Variants in CHRM2 observed in about 807,000 individuals in gnomAD.
CHRM2 encodes the protein cholinergic receptor muscarinic 2.
Under a neutral mutation model 25.0 loss-of-function variants are expected in CHRM2, and 8 were observed. The ratio of observed to expected loss-of-function variants is 0.32; its 90% CI spans 0.19 to 0.58. CHRM2 has a LOEUF of 0.58. CHRM2 is among the 20% of genes least tolerant of loss of function. The pLI is 0.88. For synonymous variants in CHRM2, 202 were observed against 205.7 expected (o/e 0.98, Z 0.15); for missense variants, 440 against 567.1 (o/e 0.78, Z 2.28).
At chr7:137,012,792 A>T (rs992628482) in intron 3 of CHRM2, among the ~76,000 whole-genome samples, 2 of 151,990 alleles carry the variant, frequency 1.3e-5, no homozygotes, top group Non-Finnish European at 2.9e-5. Flanking sequence ...TGAAAGACAC[A>T]TTCCTAAATG....
At chr7:136,951,340 T>A (rs764312443) in intron 2 of CHRM2, among the ~76,000 whole-genome samples, 6 of 152,040 alleles carry the variant, frequency 3.9e-5, no homozygotes, top group Non-Finnish European at 8.8e-5. Flanking sequence ...TGGAGAAAGG[T>A]GGGGGTGAAT....
rs1365127125 is a variant in CHRM2 at position 137,015,800 on chromosome 7, T to TG, written c.938dup (p.His314ProfsTer5). 6.2e-7 allele frequency: 1 copy of TG among 1,613,046 alleles called. No homozygotes were observed. Among genetic ancestry groups the TG allele is most frequent in the African/African-American group, 1.3e-5 (1 of 74,824 alleles). Reference sequence around the variant, plus strand: ...GATGAAAACACAGTTTCCACTTCCCTGGGCCATTCCAAAGATGAGAACTCT... The same window carrying TG: ...GATGAAAACACAGTTTCCACTTCCCTGGGGCCATTCCAAAGATGAGAACTCT... On this transcript the variant is annotated frameshift_variant, in exon 4 of 4. Transcript: ENST00000680005. LOFTEE classifies it high-confidence loss of function. The surrounding 1 kb of genome is among the most constrained non-coding windows in gnomAD (Gnocchi z 5.1).
rs1036301814 is a variant in CHRM2 at position 136,892,654 on chromosome 7, T to A, written c.-125+23236T>A. 1.4e-4 allele frequency among the ~76,000 whole-genome samples: 21 copies of A among 150,080 alleles called. No individual in the cohort carries two copies. In the East Asian group the frequency reaches 3.7e-3, roughly 26 times the overall value. ...TACCAAGGAAGAAAAAATGATAAAG[T>A]GCTCTTATTAAAAGTTCTTTTTTTT... On this transcript the variant is annotated intron_variant, in intron 2 of 3. Coordinates refer to ENST00000680005, the MANE Select transcript of CHRM2 (RefSeq NM_001006630.2).
At chr7:136,971,131 A>G (rs1367034589) in intron 2 of CHRM2, among the ~76,000 whole-genome samples, 2 of 152,222 alleles carry the variant, frequency 1.3e-5, no homozygotes, top group Non-Finnish European at 1.5e-5. Context: ...GAAACATTAG[A>G]ATTAGAACCA....
chr7:136,953,552 A>G (rs1390450045), intron 2 of CHRM2, among the ~76,000 whole-genome samples: 1 of 152,132 alleles, frequency 6.6e-6, no homozygotes, highest in African/African-American at 2.4e-5. Flanking sequence ...CCACATGCCA[A>G]ATTACTCATT....
In CHRM2 at chr7:137,014,970, G is replaced by C; in HGVS notation, c.105G>C (p.Leu35Phe). The change falls in exon 4 of 4, where the codon TTG becomes TTC. Residue 35 changes from leucine (L) to phenylalanine (F), a missense_variant. Around this residue, in one of 5 missense-constraint regions of CHRM2, gnomAD observed 86 missense variants for 124.9 expected, o/e 0.69. Coordinates refer to ENST00000680005, the MANE Select transcript of CHRM2 (RefSeq NM_001006630.2). The part of the protein sequence containing the change: ...FIVLVAGSLS[L>F]VTIIGNILVM... ...TCCTGGTGGCTGGATCCCTCAGTTT[G>C]GTGACCATTATCGGGAACATCCTAG... The C allele has an allele frequency of 6.2e-7, 1 of 1,613,200 alleles. No individual in the cohort carries two copies. The highest frequency in any genetic ancestry group is 8.5e-7 in the Non-Finnish European group (1 of 1,179,528).
Position 137,002,128 on chromosome 7 carries a change from TTTTTG to T in CHRM2, c.-47+9878_-47+9882del, listed in dbSNP as rs548471753. Among the ~76,000 whole-genome samples the T allele has an allele frequency of 1.4e-4, 22 of 152,264 alleles. No homozygotes were observed. In the South Asian group the frequency reaches 3.9e-3, roughly 27 times the overall value. On this transcript the variant is annotated intron_variant, in intron 3 of 3. Coordinates refer to ENST00000680005, the MANE Select transcript of CHRM2 (RefSeq NM_001006630.2). ...TTTAGAAGAAAGAATGCTTTCTGGT[TTTTTG>T]TTTTGTTTTGTTTGTTTTGTTTTGT...
chr7:137,000,417 C>T (rs1441560614), intron 3 of CHRM2, among the ~76,000 whole-genome samples: 1 of 150,948 alleles, frequency 6.6e-6, no homozygotes, highest in African/African-American at 2.4e-5. Flanking sequence ...CCAGGCTGGT[C>T]TCATACTCCT....
intron 2 of CHRM2, among the ~76,000 whole-genome samples, chr7:136,895,375 T>A (rs989759979): frequency 6.6e-6 from 1 of 152,182 alleles, no homozygotes; most frequent in Non-Finnish European, 1.5e-5. Context: ...GTTACCCAAT[T>A]TTTCTTCTCA....
At chr7:137,011,215 G>GTGTGTGTGTATATATATATATATATA in intron 3 of CHRM2, among the ~76,000 whole-genome samples, 15 of 134,326 alleles carry the variant, frequency 1.1e-4, no homozygotes, top group Admixed American at 9.4e-4. Flanking sequence ...GTGTGTGTGT[G>GTGTGTGTGTATATATATATATATATA]TATATATATA....
At chr7:136,939,632 C>T (rs919917914) in intron 2 of CHRM2, among the ~76,000 whole-genome samples, 5 of 151,992 alleles carry the variant, frequency 3.3e-5, no homozygotes, top group Non-Finnish European at 7.4e-5. Flanking sequence ...TAATTTGGCT[C>T]TAACAAAAAA....
At chr7:136,915,897 C>T (rs905263182) in intron 2 of CHRM2, among the ~76,000 whole-genome samples, 3 of 148,752 alleles carry the variant, frequency 2.0e-5, no homozygotes, top group South Asian at 2.1e-4. Context: ...AGTGAAAGTG[C>T]GTATTGGAGA....
chr7:136,924,208 T>C (rs1377327493), intron 2 of CHRM2, among the ~76,000 whole-genome samples: 2 of 152,066 alleles, frequency 1.3e-5, no homozygotes, highest in African/African-American at 4.8e-5. Flanking sequence ...TTTTCAGTTG[T>C]ATGTATTTTT....
intron 2 of CHRM2, among the ~76,000 whole-genome samples, chr7:136,965,452 G>C (rs1801353594): frequency 1.3e-5 from 2 of 152,054 alleles, no homozygotes; most frequent in South Asian, 4.1e-4. Context: ...GAAATTGTCA[G>C]AGAGAATGAG....
Position 136,976,147 on chromosome 7 carries a change from C to T in CHRM2, c.-124-16040C>T, listed in dbSNP as rs142017581. 4.7e-3 allele frequency among the ~76,000 whole-genome samples: 714 copies of T among 152,076 alleles called. 7 individuals carry two copies. Among genetic ancestry groups the T allele is most frequent in the African/African-American group, 0.016 (654 of 41,488 alleles). ...TATACAAAGCCTCAAGGTTGGGCTA[C>T]GGGCTAAGCATGGAGTATATTTAGG... On this transcript the variant is annotated intron_variant, in intron 2 of 3. Coordinates refer to ENST00000680005, the MANE Select transcript of CHRM2 (RefSeq NM_001006630.2).
chr7:137,002,062 G>A (rs1343322939), intron 3 of CHRM2, among the ~76,000 whole-genome samples: 1 of 152,066 alleles, frequency 6.6e-6, no homozygotes, highest in African/African-American at 2.4e-5. Flanking sequence ...TTAAGAGTAA[G>A]AAAGAAAAAA....
At chr7:136,917,147 T>C (rs772470359) in intron 2 of CHRM2, among the ~76,000 whole-genome samples, 5 of 148,860 alleles carry the variant, frequency 3.4e-5, no homozygotes, top group Non-Finnish European at 7.4e-5. Flanking sequence ...ATTCACTATT[T>C]TCAGCTTTCT....
At chr7:136,913,909 ATATC>A (rs1378359359) in intron 2 of CHRM2, among the ~76,000 whole-genome samples, 1 of 151,970 alleles carries the variant, frequency 6.6e-6, no homozygotes, top group Non-Finnish European at 1.5e-5. Flanking sequence ...ATGCAGCACT[ATATC>A]TATTCGGATT....
intron 2 of CHRM2, among the ~76,000 whole-genome samples, chr7:136,952,930 A>G (rs764553208): frequency 6.6e-6 from 1 of 152,172 alleles, no homozygotes; most frequent in Non-Finnish European, 1.5e-5. Flanking sequence ...ATGGCTGCAT[A>G]GTATTCCATG....
Sources: allele counts gnomAD v4.1 joint callset (sites outside exome capture counted in the v4.1 genomes callset), GRCh38; gene constraint gnomAD v4.1.1; regional missense constraint gnomAD v4.1.1; non-coding constraint Gnocchi (gnomAD v3.1); transcripts MANE v1.5; gene names NCBI Gene and HGNC (gene_info 2026-07-23, HGNC 2026-07-21).